ZBTB7C: variants seen among roughly 807,000 people sequenced by gnomAD.
The protein encoded by ZBTB7C is zinc finger and BTB domain containing 7C.
Under a neutral mutation model 25.7 loss-of-function variants are expected in ZBTB7C, and 8 were observed. The ratio of observed to expected loss-of-function variants is 0.31; its 90% confidence interval spans 0.18 to 0.56. The LOEUF is 0.56. ZBTB7C is among the 20% of genes least tolerant of loss of function. The pLI, the probability that ZBTB7C is intolerant of heterozygous loss-of-function variation, is 0.91. For synonymous variants in ZBTB7C, 394 were observed against 369.0 expected, an observed-to-expected ratio of 1.07 and a Z score of -0.78; for missense variants, 824 against 855.2, an observed-to-expected ratio of 0.96 and a Z score of 0.46.
intron 2 of ZBTB7C, among the ~76,000 whole-genome samples, chr18:48,240,608 T>C (rs1458587638): frequency 2.0e-5 from 3 of 152,098 alleles, no homozygotes; most frequent in Non-Finnish European, 2.9e-5. Context: ...GCTTCATAAA[T>C]GAAGGAAAAA....
Position 48,390,819 on chromosome 18 carries a change from C to T in ZBTB7C, c.-304+18407G>A, listed in dbSNP as rs145571917. Among the ~76,000 whole-genome samples, 260 of 152,332 alleles carry T rather than the reference C, an allele frequency of 1.7e-3. 2 individuals carry two copies. The highest frequency in any genetic ancestry group is 6.0e-3 in the African/African-American group (250 of 41,578). ...GGCACTAAGAGCCTGGTCCCCGTGG[C>T]GGCTGGAGAGGGCTGTGCAGTCACT... is the stretch of plus-strand genomic sequence containing the variant. On this transcript the variant is annotated intron_variant, in intron 1 of 4. Transcript: ENST00000590800.
At chr18:48,108,469 G>T (rs569242021) in intron 3 of ZBTB7C, among the ~76,000 whole-genome samples, 1 of 152,190 alleles carries the variant, frequency 6.6e-6, no homozygotes, top group African/African-American at 2.4e-5. Context: ...GTCTCACTCT[G>T]TTGCCCAGGC....
intron 2 of ZBTB7C, among the ~76,000 whole-genome samples, chr18:48,242,571 C>A (rs1165896694): frequency 6.6e-6 from 1 of 152,018 alleles, no homozygotes; most frequent in Non-Finnish European, 1.5e-5. Flanking sequence ...ATGTGATATA[C>A]CACATAAACA....
chr18:48,378,695 T>TA (rs550362127), intron 1 of ZBTB7C, among the ~76,000 whole-genome samples: 84 of 151,724 alleles, frequency 5.5e-4, no homozygotes, highest in African/African-American at 1.9e-3. Context: ...AAAAAAAACT[T>TA]AAAAAAAATT....
intron 1 of ZBTB7C, among the ~76,000 whole-genome samples, chr18:48,372,146 C>A (rs557683135): frequency 6.6e-5 from 10 of 152,332 alleles, no homozygotes; most frequent in African/African-American, 2.4e-4. Flanking sequence ...CAGTGCTCAC[C>A]TGGCTGCAGT....
chr18:48,306,410 A>C (rs996882062), intron 2 of ZBTB7C, among the ~76,000 whole-genome samples: 1 of 152,224 alleles, frequency 6.6e-6, no homozygotes, highest in Non-Finnish European at 1.5e-5. Flanking sequence ...CTTTAAACAT[A>C]TGTAAGTGTA....
chr18:48,383,213 C>T (rs1484047549), intron 1 of ZBTB7C, among the ~76,000 whole-genome samples: 1 of 152,044 alleles, frequency 6.6e-6, no homozygotes, highest in Non-Finnish European at 1.5e-5. Context: ...ATCCCCCTCA[C>T]AAAAAACAAA....
At chr18:48,049,788 T>A (rs986370193) in intron 3 of ZBTB7C, among the ~76,000 whole-genome samples, 2 of 152,130 alleles carry the variant, frequency 1.3e-5, no homozygotes, top group African/African-American at 4.8e-5. Context: ...AATAGAACTG[T>A]TGGTGCAATT....
chr18:48,130,111 G>A (rs2039942635), intron 3 of ZBTB7C, among the ~76,000 whole-genome samples: 1 of 152,166 alleles, frequency 6.6e-6, no homozygotes, highest in Non-Finnish European at 1.5e-5. Flanking sequence ...TGCTGTGAAT[G>A]CAGGCCTCTC....
intron 3 of ZBTB7C, chr18:48,087,542 G>A (rs1474026986): frequency 6.6e-6 from 1 of 152,126 alleles, no homozygotes; most frequent in Non-Finnish European, 1.5e-5. Flanking sequence ...CCCACGCCTG[G>A]GGAGGCTGAG....
intron 2 of ZBTB7C, among the ~76,000 whole-genome samples, chr18:48,196,486 A>G (rs1000479085): frequency 1.3e-5 from 2 of 152,056 alleles, no homozygotes; most frequent in Non-Finnish European, 2.9e-5. Context: ...TTGCTTGGGG[A>G]AGGATTTGGG....
intron 2 of ZBTB7C, among the ~76,000 whole-genome samples, chr18:48,297,690 C>T (rs1191192789): frequency 6.6e-6 from 1 of 152,190 alleles, no homozygotes; most frequent in Non-Finnish European, 1.5e-5. Context: ...TGGCATTGTC[C>T]CCTTCAGTCA....
chr18:48,308,038 A>G (rs1192582086), intron 2 of ZBTB7C, among the ~76,000 whole-genome samples: 1 of 152,128 alleles, frequency 6.6e-6, no homozygotes, highest in Non-Finnish European at 1.5e-5. Context: ...ATGCCAATCT[A>G]TCCCTTTTCT....
intron 3 of ZBTB7C, among the ~76,000 whole-genome samples, chr18:48,170,509 G>A (rs2041435750): frequency 1.3e-5 from 2 of 152,208 alleles, no homozygotes; most frequent in African/African-American, 4.8e-5. Context: ...CCACCCAGAG[G>A]AGCTCACCAA....
intron 2 of ZBTB7C, among the ~76,000 whole-genome samples, chr18:48,272,768 A>G (rs901185640): frequency 6.6e-6 from 1 of 152,224 alleles, no homozygotes; most frequent in Admixed American, 6.5e-5. Context: ...CCACCAAGAG[A>G]TGGATAAACA....
chr18:48,301,347 C>T (rs1458022874), intron 2 of ZBTB7C, among the ~76,000 whole-genome samples: 1 of 152,176 alleles, frequency 6.6e-6, no homozygotes, highest in Non-Finnish European at 1.5e-5. Flanking sequence ...AGTGTGGTGG[C>T]ACACGCCTAT....
intron 2 of ZBTB7C, among the ~76,000 whole-genome samples, chr18:48,214,476 C>T (rs1047838115): frequency 4.6e-5 from 7 of 152,168 alleles, no homozygotes; most frequent in African/African-American, 1.7e-4. Flanking sequence ...TCAAAAGATA[C>T]GGGTCACAAA....
At position 48,041,038 on chromosome 18, in the gene ZBTB7C, G is replaced by A. The variant is rs1209604324; in HGVS notation, c.70C>T (p.Leu24Phe). The change falls in exon 4 of 5, where the codon CTC becomes TTC. Residue 24 changes from leucine (L) to phenylalanine (F), a missense_variant. Physicochemically the swap from Leu to Phe is conservative, Grantham distance 22. Around this residue, in one of 4 missense-constraint regions of ZBTB7C, gnomAD observed 117 missense variants for 167.7 expected, o/e 0.70. Coordinates refer to ENST00000590800, the MANE Select transcript of ZBTB7C (RefSeq NM_001318841.2). The stretch of plus-strand genomic sequence containing the variant: ...AGGCCATCGTGCCGTTGCTCATTGA[G>A]GCTGCACAGGACCTCACTGCTGTGG... ...PNHSSEVLCS[L>F]NEQRHDGLLC... 1.9e-6 allele frequency: 3 copies of A among 1,613,930 alleles called. No individual in the cohort carries two copies. The highest frequency in any genetic ancestry group is 2.5e-6 in the Non-Finnish European group (3 of 1,179,918).
chr18:48,288,469 G>A (rs1206573345), intron 2 of ZBTB7C, among the ~76,000 whole-genome samples: 1 of 145,028 alleles, frequency 6.9e-6, no homozygotes, highest in African/African-American at 2.6e-5. Flanking sequence ...CCAACATGGT[G>A]AAATACCATC....
Sources: allele counts gnomAD v4.1 joint callset (sites outside exome capture counted in the v4.1 genomes callset), GRCh38; gene constraint gnomAD v4.1.1; regional missense constraint gnomAD v4.1.1; transcripts MANE v1.5; gene names NCBI Gene and HGNC (gene_info 2026-07-23, HGNC 2026-07-21).